The following DKK2 variants were observed in gnomAD, a reference collection of about 807,000 sequenced individuals.
DKK2 encodes the protein dickkopf Wnt signaling pathway inhibitor 2.
Under a neutral mutation model 28.1 loss-of-function variants are expected in DKK2, and 11 were observed. The ratio of observed to expected loss-of-function variants is 0.39; its 90% CI spans 0.25 to 0.65. The LOEUF (loss-of-function observed/expected upper bound fraction) is 0.65. DKK2 is among the 30% of genes least tolerant of loss of function. The pLI is 0.47. For synonymous variants in DKK2, 135 were observed against 126.5 expected (o/e 1.07, Z -0.45); for missense variants, 326 against 335.5 (o/e 0.97, Z 0.22).
At chr4:106,972,856 A>G (rs1408661577) in intron 1 of DKK2, among the ~76,000 whole-genome samples, 1 of 152,130 alleles carries the variant, frequency 6.6e-6, no homozygotes, top group East Asian at 1.9e-4. Flanking sequence ...TGTCATTTAC[A>G]TTAGGTATTT....
chr4:106,926,055 A>C, intron 1 of DKK2, 106 bp from the exon 2 acceptor site: 47 of 1,230,490 alleles, frequency 3.8e-5, no homozygotes, highest in Non-Finnish European at 5.0e-5. Context: ...AATATATCTC[A>C]CCCGGAAGGA....
At chr4:106,928,035 C>G (rs561211525) in intron 1 of DKK2, among the ~76,000 whole-genome samples, 1 of 152,202 alleles carries the variant, frequency 6.6e-6, no homozygotes, top group East Asian at 1.9e-4. Flanking sequence ...TTATTGATAG[C>G]TGTTTATTTT....
chr4:106,998,625 T>A (rs962283769), intron 1 of DKK2, among the ~76,000 whole-genome samples: 7 of 152,212 alleles, frequency 4.6e-5, no homozygotes, highest in Admixed American at 1.3e-4. Flanking sequence ...AAAGTATGAA[T>A]AATACTTTCC....
At chr4:107,028,888 G>A (rs575384926) in intron 1 of DKK2, among the ~76,000 whole-genome samples, 2 of 152,286 alleles carry the variant, frequency 1.3e-5, no homozygotes, top group South Asian at 2.1e-4. Flanking sequence ...TGAGGACAGG[G>A]GAGTTTGTTG....
At chr4:106,955,542 C>A (rs906248609) in intron 1 of DKK2, among the ~76,000 whole-genome samples, 44 of 152,158 alleles carry the variant, frequency 2.9e-4, no homozygotes, top group African/African-American at 1.0e-3. Context: ...ACCACAGTCT[C>A]CCTTTTCACA....
At chr4:106,935,984 A>G (rs1196157087) in intron 1 of DKK2, among the ~76,000 whole-genome samples, 1 of 152,006 alleles carries the variant, frequency 6.6e-6, no homozygotes, top group Non-Finnish European at 1.5e-5. Context: ...ATCATCAAAG[A>G]CCAAAAGTAG....
At chr4:106,941,167 C>A (rs576876052) in intron 1 of DKK2, among the ~76,000 whole-genome samples, 1 of 151,810 alleles carries the variant, frequency 6.6e-6, no homozygotes, top group Non-Finnish European at 1.5e-5. Flanking sequence ...GGAGGTGATT[C>A]ACGGCTCCAC....
At chr4:106,928,228 ATAAT>A (rs1242833758) in intron 1 of DKK2, among the ~76,000 whole-genome samples, 1 of 152,166 alleles carries the variant, frequency 6.6e-6, no homozygotes, top group Non-Finnish European at 1.5e-5. Context: ...TAAAATTATA[ATAAT>A]TTAATTTTGA....
intron 1 of DKK2, among the ~76,000 whole-genome samples, chr4:106,973,974 C>T (rs1230096635): frequency 6.6e-6 from 1 of 152,176 alleles, no homozygotes; most frequent in Non-Finnish European, 1.5e-5. Flanking sequence ...TTTCCCAACA[C>T]CATTTATTAA....
chr4:106,966,979 G>A (rs1206488878), intron 1 of DKK2, among the ~76,000 whole-genome samples: 2 of 152,072 alleles, frequency 1.3e-5, no homozygotes, highest in Non-Finnish European at 2.9e-5. Flanking sequence ...CATTACTATA[G>A]TTCATTTGTA....
Position 107,035,354 on chromosome 4 carries a change from T to C in DKK2, c.222+16A>G. 1 of 1,613,812 alleles carries C rather than the reference T, an allele frequency of 6.2e-7. No individual in the cohort carries two copies. The highest frequency in any genetic ancestry group is 8.5e-7 in the Non-Finnish European group (1 of 1,179,698). On this transcript the variant is annotated intron_variant, in intron 1 of 3. Coordinates refer to ENST00000285311, the MANE Select transcript of DKK2 (RefSeq NM_014421.3). ...TGCCTCTTCTGTCTGAAGAATGTGT[T>C]TGGGGGTTTTCCTACCTGCCCCAGG...
intron 1 of DKK2, among the ~76,000 whole-genome samples, chr4:106,946,463 G>A (rs1724777205): frequency 6.6e-6 from 1 of 151,892 alleles, no homozygotes; most frequent in African/African-American, 2.4e-5. Context: ...GGCACATAGG[G>A]GTTCACTCAT....
intron 1 of DKK2, among the ~76,000 whole-genome samples, chr4:107,018,263 C>A (rs1242818834): frequency 6.6e-6 from 1 of 151,964 alleles, no homozygotes; most frequent in African/African-American, 2.4e-5. Context: ...TTAAGAAGGT[C>A]CAAATTAGAA....
chr4:106,951,073 T>C (rs1724851993), intron 1 of DKK2, among the ~76,000 whole-genome samples: 1 of 152,166 alleles, frequency 6.6e-6, no homozygotes, highest in African/African-American at 2.4e-5. Context: ...AATTATTTAT[T>C]TTTATTGACA....
At chr4:106,989,566 A>G (rs1723175001) in intron 1 of DKK2, among the ~76,000 whole-genome samples, 1 of 152,228 alleles carries the variant, frequency 6.6e-6, no homozygotes, top group South Asian at 2.1e-4. Flanking sequence ...GGTAGAGCAC[A>G]CTATAAAAAT....
At chr4:106,927,176 T>A (rs1724436922) in intron 1 of DKK2, among the ~76,000 whole-genome samples, 1 of 152,218 alleles carries the variant, frequency 6.6e-6, no homozygotes, top group Non-Finnish European at 1.5e-5. Context: ...TTAGTGAGAT[T>A]TCAGTGCTTT....
intron 1 of DKK2, among the ~76,000 whole-genome samples, chr4:106,983,365 AAAG>A (rs150970315): frequency 0.029 from 4,021 of 139,580 alleles, 75 homozygotes; most frequent in Non-Finnish European, 0.038. Flanking sequence ...AGAAAGAAAG[AAAG>A]AAGAAAGAAA....
At chr4:106,997,626 A>G (rs1044373910) in intron 1 of DKK2, among the ~76,000 whole-genome samples, 1 of 152,218 alleles carries the variant, frequency 6.6e-6, no homozygotes, top group Admixed American at 6.5e-5. Context: ...AAAAAAGTTA[A>G]TGGGGAGACA....
At chr4:106,981,791 C>A (rs2110358274) in intron 1 of DKK2, among the ~76,000 whole-genome samples, 2 of 152,150 alleles carry the variant, frequency 1.3e-5, no homozygotes, top group South Asian at 4.1e-4. Context: ...TTTTTACCAA[C>A]CATTTTTGCT....
Sources: allele counts gnomAD v4.1 joint callset (sites outside exome capture counted in the v4.1 genomes callset), GRCh38; gene constraint gnomAD v4.1.1; transcripts MANE v1.5; gene names NCBI Gene and HGNC (gene_info 2026-07-23, HGNC 2026-07-21).